Variants in GGA1 observed in about 807,000 individuals in gnomAD.
GGA1 encodes ADP-ribosylation factor-binding protein GGA1.
Under a neutral mutation model 76.9 loss-of-function variants are expected in GGA1, and 18 were observed. That is an observed-to-expected ratio of 0.23 (90% confidence interval 0.16 to 0.35). GGA1 has a LOEUF of 0.35. Among genes scored for constraint, GGA1 ranks in the 10% least tolerant of loss-of-function variants. The probability of loss-of-function intolerance (pLI) is 1.00; values close to 1 mark genes in which losing one functional copy is unlikely to be tolerated. For synonymous variants in GGA1, 342 were observed against 354.7 expected, an observed-to-expected ratio of 0.96 and a Z score of 0.40; for missense variants, 755 against 859.0, an observed-to-expected ratio of 0.88 and a Z score of 1.51.
At chr22:37,614,134 T>C (rs1469462944) in intron 1 of GGA1, 56 bp from the exon 2 acceptor site, 4 of 1,188,156 alleles carry the variant, frequency 3.4e-6, no homozygotes, top group African/African-American at 3.0e-5. Flanking sequence ...GGGTCAGGAG[T>C]GGAAGAGCAG....
intron 2 of GGA1, among the ~76,000 whole-genome samples, chr22:37,615,656 C>T (rs1291498937): frequency 6.6e-6 from 1 of 150,674 alleles, no homozygotes; most frequent in African/African-American, 2.4e-5. Flanking sequence ...CCCAGCTACT[C>T]GGGAGGCTGA....
Position 37,624,776 on chromosome 22 carries a change from A to C in GGA1, c.833-193A>C. ...GCCCAGGCAGTATGGCAGGGAGTGA[A>C]TGAGGGAAGGGTGGGAGGTGAGACC... On this transcript the variant is annotated intron_variant, in intron 9 of 16. Coordinates refer to ENST00000343632, the MANE Select transcript of GGA1 (RefSeq NM_013365.5). The surrounding 1 kb of genome is among the most constrained non-coding windows in gnomAD (Gnocchi z 4.3). 2 of 677,814 alleles carry C rather than the reference A, an allele frequency of 3.0e-6. No homozygotes were observed. The highest frequency in any genetic ancestry group is 2.4e-6 in the Non-Finnish European group (1 of 415,936). The allele number at this position is 677,814 out of a possible 1,614,324, so 42.0% of individuals were successfully genotyped here. A position where few individuals can be genotyped will look rare whatever the true frequency, so the allele number is the denominator to read the frequency against.
At chr22:37,614,141 G>A in intron 1 of GGA1, 49 bp from the exon 2 acceptor site, 1 of 1,259,066 alleles carries the variant, frequency 7.9e-7, no homozygotes, top group South Asian at 1.2e-5. Context: ...GAGTGGAAGA[G>A]CAGGAATCCC....
chr22:37,609,055 C>G, intron 1 of GGA1, 152 bp downstream of exon 1: 1 of 1,488,276 alleles, frequency 6.7e-7, no homozygotes, highest in Non-Finnish European at 8.9e-7. Flanking sequence ...GCCCCTCAGA[C>G]CCTGGAGCGA....
At chr22:37,609,281 C>T in intron 1 of GGA1, 6 of 1,133,766 alleles carry the variant, frequency 5.3e-6, no homozygotes, top group Non-Finnish European at 6.6e-6. Flanking sequence ...CATCTCACAC[C>T]CGGGAGGGAG....
chr22:37,627,983 C>T (rs901186833), intron 11 of GGA1, among the ~76,000 whole-genome samples: 5 of 152,216 alleles, frequency 3.3e-5, no homozygotes, highest in African/African-American at 1.2e-4. Flanking sequence ...TGTGCCACCA[C>T]ACCCGGTTAA....
At position 37,618,458 on chromosome 22, in the gene GGA1, C is replaced by A; in HGVS notation, c.215C>A (p.Thr72Lys). 2 of 1,609,320 alleles carry A rather than the reference C, an allele frequency of 1.2e-6. No homozygotes were observed. Among genetic ancestry groups the A allele is most frequent in the South Asian group, 1.1e-5 (1 of 90,950 alleles). Reference protein sequence around the residue: ...EAIQALTVLETCMKSCGKRFH... With the variant: ...EAIQALTVLEKCMKSCGKRFH... ...CCCCTCCCTGCACAGGTGCTGGAAA[C>A]ATGCATGAAGAGCTGCGGCAAGCGG... The change falls in exon 4 of 17, where the codon ACA becomes AAA. Residue 72 changes from threonine to lysine, a missense_variant. By Grantham distance (78) the Thr-to-Lys change is moderately conservative (BLOSUM62 -1). Coordinates refer to ENST00000343632, the MANE Select transcript of GGA1 (RefSeq NM_013365.5).
At chr22:37,629,620 G>T (rs531772438) in intron 12 of GGA1, 94 bp downstream of exon 12, 2 of 819,742 alleles carry the variant, frequency 2.4e-6, no homozygotes, top group Non-Finnish European at 1.9e-6. Context: ...GGATGGATGG[G>T]CTCTACTCAA....
intron 6 of GGA1, 142 bp downstream of exon 6, chr22:37,621,055 T>C: frequency 3.1e-6 from 2 of 655,146 alleles, no homozygotes; most frequent in Non-Finnish European, 5.6e-6. Flanking sequence ...TGGGCGCTGT[T>C]TACTGGGCAT....
chr22:37,626,036 C>T lies in GGA1; in HGVS notation c.1093+87C>T, dbSNP rs561167673. 14 of 1,092,048 alleles carry T rather than the reference C, an allele frequency of 1.3e-5. No homozygotes were observed. In the East Asian group the frequency reaches 2.1e-4, roughly 16 times the overall value. The allele number at this position is 1,092,048 out of a possible 1,614,324, so 67.6% of individuals were successfully genotyped here. ...GGCCCACTCACAGCTAGCGGAACCACGTACCCCAGGTGTGGATCCTGTGGG... is the reference window on the plus strand; with the variant it reads ...GGCCCACTCACAGCTAGCGGAACCATGTACCCCAGGTGTGGATCCTGTGGG... On this transcript the variant is annotated intron_variant, in intron 11 of 16. Transcript: ENST00000343632.
intron 4 of GGA1, among the ~76,000 whole-genome samples, chr22:37,618,973 C>G (rs1929330505): frequency 1.3e-5 from 2 of 152,222 alleles, no homozygotes; most frequent in Admixed American, 1.3e-4. Context: ...CCTCAGCATC[C>G]AAGGCCACAG....
rs1226007224 is a variant in GGA1 at position 37,620,866 on chromosome 22, C to T, written c.481C>T (p.Pro161Ser). The T allele has an allele frequency of 4.3e-6, 7 of 1,613,016 alleles. No homozygotes were observed. The highest frequency in any genetic ancestry group is 8.5e-7 in the Non-Finnish European group (1 of 1,178,946). The change falls in exon 6 of 17, where the codon CCT becomes TCT. Residue 161 changes from proline (P) to serine (S), a missense_variant. Transcript: ENST00000343632. ...AGATGACACTACCTTTCCCCTTCCT[C>T]CTCCACGGCCGAAGAATGTGATCTT... ...LPDDTTFPLP[P>S]PRPKNVIFED...
chr22:37,613,393 CT>C (rs1443482463), intron 1 of GGA1, among the ~76,000 whole-genome samples: 1 of 151,738 alleles, frequency 6.6e-6, no homozygotes, highest in Non-Finnish European at 1.5e-5. Context: ...CTCTGTGTTT[CT>C]TTTTTGTTTG....
chr22:37,619,215 G>A (rs373580525), intron 4 of GGA1, among the ~76,000 whole-genome samples: 20 of 151,120 alleles, frequency 1.3e-4, no homozygotes, highest in South Asian at 4.2e-4. Flanking sequence ...GCAGGTGCAC[G>A]CCACCATGCC....
At chr22:37,622,595 T>C (rs914492280) in intron 7 of GGA1, among the ~76,000 whole-genome samples, 3 of 152,092 alleles carry the variant, frequency 2.0e-5, no homozygotes, top group Non-Finnish European at 4.4e-5. Flanking sequence ...TTTTATTTTT[T>C]GTAGAGACAG....
chr22:37,609,168 G>A, intron 1 of GGA1: 1 of 1,436,002 alleles, frequency 7.0e-7, no homozygotes, highest in Non-Finnish European at 9.2e-7. Flanking sequence ...AGCTGCGCCG[G>A]GAACCCCCGG....
At chr22:37,609,773 A>G (rs562412175) in intron 1 of GGA1, among the ~76,000 whole-genome samples, 2 of 152,234 alleles carry the variant, frequency 1.3e-5, no homozygotes, top group South Asian at 4.2e-4. Context: ...TCCCTGGTCT[A>G]GTGAGGGTTC....
intron 2 of GGA1, 27 bp downstream of exon 2, chr22:37,614,301 A>G: frequency 6.8e-7 from 1 of 1,467,030 alleles, no homozygotes; most frequent in East Asian, 2.3e-5. Flanking sequence ...ACTTGTTTGC[A>G]CTGCCCTGCA....
At chr22:37,628,203 C>T (rs1358511014) in intron 11 of GGA1, among the ~76,000 whole-genome samples, 1 of 152,208 alleles carries the variant, frequency 6.6e-6, no homozygotes, top group Non-Finnish European at 1.5e-5. Context: ...CTAATCCTCC[C>T]ATCTCAGCCT....
Sources: gnomAD v4.1 joint callset for allele counts (sites outside exome capture counted in the v4.1 genomes callset) on GRCh38, gnomAD v4.1.1 for gene constraint, Gnocchi (gnomAD v3.1) non-coding constraint, MANE v1.5 for transcripts, NCBI Gene and HGNC (gene_info 2026-07-23, HGNC 2026-07-21) for gene names.